The following PLCG2 variants were observed in gnomAD, a reference collection of about 807,000 sequenced individuals.
PLCG2 encodes the protein phospholipase C gamma 2, also known as 1-phosphatidylinositol 4,5-bisphosphate phosphodiesterase gamma-2.
In PLCG2, 69 loss-of-function variants were observed where a neutral mutation model predicts 175.6. That is an observed-to-expected ratio of 0.39 (90% CI 0.32 to 0.48). PLCG2 has a LOEUF of 0.48. Among genes scored for constraint, PLCG2 ranks in the 20% least tolerant of loss-of-function variants. The probability of loss-of-function intolerance (pLI) is 0.91; values close to 1 mark genes in which losing one functional copy is unlikely to be tolerated. For synonymous variants in PLCG2, 827 were observed against 624.0 expected (o/e 1.33, Z -4.85); for missense variants, 1,798 against 1,650.9 (o/e 1.09, Z -1.54).
intron 18 of PLCG2, among the ~76,000 whole-genome samples, chr16:81,912,056 C>G (rs934379260): frequency 3.3e-5 from 5 of 152,114 alleles, no homozygotes; most frequent in African/African-American, 4.8e-5. Context: ...CTCAACCTCC[C>G]AAAGTGCTGG....
In PLCG2 at chr16:81,928,623, C is replaced by T. The variant is rs776770937; in HGVS notation, c.2580C>T (p.Val860=). 40 of 1,592,548 alleles carry T rather than the reference C, an allele frequency of 2.5e-5. No individual in the cohort carries two copies. In the East Asian group the frequency reaches 5.4e-4, roughly 21 times the overall value. ...RGILDLNTYN[V]VKAPQGKNQK... is the part of the protein sequence containing the mutation. The stretch of plus-strand genomic sequence containing the variant: ...TATTGGACCTCAATACCTATAACGT[C>T]GGTACGTGCACACATCATCTTAGCC... The change falls in exon 24 of 33, where the codon GTC becomes GTT. Residue 860 remains valine, a splice_region_variant and synonymous_variant. Coordinates refer to ENST00000564138, the MANE Select transcript of PLCG2 (RefSeq NM_002661.5).
At chr16:81,806,692 C>T (rs1027363192) in intron 2 of PLCG2, among the ~76,000 whole-genome samples, 1 of 151,974 alleles carries the variant, frequency 6.6e-6, no homozygotes, top group African/African-American at 2.4e-5. Flanking sequence ...AAAGGGGGAT[C>T]ATGAGGGTCC....
At chr16:81,933,706 C>A (rs1019154494) in intron 25 of PLCG2, among the ~76,000 whole-genome samples, 1 of 152,048 alleles carries the variant, frequency 6.6e-6, no homozygotes, top group Non-Finnish European at 1.5e-5. Flanking sequence ...TAGCCTGTGA[C>A]GGCTAGAGCT....
chr16:81,777,463 G>A (rs1910444051), upstream of PLCG2, among the ~76,000 whole-genome samples: 1 of 149,908 alleles, frequency 6.7e-6, no homozygotes, highest in Non-Finnish European at 1.5e-5. Flanking sequence ...AAAAAAGTGA[G>A]GCAAAGGAAT....
chr16:81,928,526 A>T, intron 23 of PLCG2, 32 bp from the exon 24 acceptor site: 1 of 1,396,014 alleles, frequency 7.2e-7, no homozygotes, highest in Non-Finnish European at 1.0e-6. Context: ...TCCCGTTACA[A>T]CTAACGTGAG....
At position 81,799,679 on chromosome 16, in the gene PLCG2, G is replaced by A. The variant is rs546413408; in HGVS notation, c.193+13497G>A. 4.3e-4 allele frequency among the ~76,000 whole-genome samples: 63 copies of A among 147,724 alleles called. No individual in the cohort carries two copies. The East Asian group carries it at 0.01, about 24-fold the overall frequency. ...ACCATCTTGGCTCACTGCAAGCTCC[G>A]CCTCCCAGGTTCACACCATTCTCCT... On this transcript the variant is annotated intron_variant, in intron 2 of 32. Coordinates refer to ENST00000564138, the MANE Select transcript of PLCG2 (RefSeq NM_002661.5).
At chr16:81,744,445 G>C (rs149323171) in intron 1 of PLCG2, among the ~76,000 whole-genome samples, 139 of 152,250 alleles carry the variant, frequency 9.1e-4, no homozygotes, top group African/African-American at 3.2e-3. Flanking sequence ...TTACAGGCGT[G>C]AGCCACCGCA....
intron 2 of PLCG2, among the ~76,000 whole-genome samples, chr16:81,837,543 C>T (rs777610542): frequency 7.9e-5 from 12 of 152,320 alleles, no homozygotes; most frequent in Admixed American, 2.6e-4. Context: ...CAGGGACCCC[C>T]GTGTCGTGGG....
intron 19 of PLCG2, among the ~76,000 whole-genome samples, chr16:81,917,311 C>A (rs1324691563): frequency 1.3e-5 from 2 of 151,112 alleles, no homozygotes; most frequent in Non-Finnish European, 1.5e-5. Flanking sequence ...TGTTGATGGG[C>A]AGGCTGATTC....
intron 19 of PLCG2, among the ~76,000 whole-genome samples, chr16:81,916,230 T>C (rs1235430239): frequency 2.6e-5 from 4 of 152,016 alleles, no homozygotes; most frequent in African/African-American, 9.7e-5. Context: ...TACAGGACTT[T>C]TTGACGAAAT....
intron 1 of PLCG2, among the ~76,000 whole-genome samples, chr16:81,753,162 T>G (rs1419814995): frequency 6.6e-6 from 1 of 151,886 alleles, no homozygotes; most frequent in East Asian, 1.9e-4. Context: ...CCCTCGGCCC[T>G]GCCTCTCCCC....
chr16:81,810,052 C>T (rs1289258998), intron 2 of PLCG2, among the ~76,000 whole-genome samples: 5 of 151,672 alleles, frequency 3.3e-5, no homozygotes, highest in African/African-American at 9.7e-5. Context: ...AGTTCAGTGG[C>T]GTGATCTCAG....
At chr16:81,769,585 C>T (rs1910228539) in intron 2 of PLCG2, among the ~76,000 whole-genome samples, 1 of 151,814 alleles carries the variant, frequency 6.6e-6, no homozygotes, top group South Asian at 2.1e-4. Context: ...GAGGCCGAGG[C>T]GGGCGGATCA....
At chr16:81,802,719 G>C (rs906605452) in intron 2 of PLCG2, among the ~76,000 whole-genome samples, 5 of 151,892 alleles carry the variant, frequency 3.3e-5, no homozygotes, top group Admixed American at 3.3e-4. Flanking sequence ...TTACAGGCAT[G>C]CGCCACCACG....
chr16:81,829,238 A>G (rs1165108993), intron 2 of PLCG2, among the ~76,000 whole-genome samples: 1 of 152,106 alleles, frequency 6.6e-6, no homozygotes, highest in Non-Finnish European at 1.5e-5. Flanking sequence ...CCTCCTGAGT[A>G]GCTGGGATTA....
intron 5 of PLCG2, among the ~76,000 whole-genome samples, chr16:81,866,850 C>G (rs969095533): frequency 6.6e-6 from 1 of 152,260 alleles, no homozygotes; most frequent in African/African-American, 2.4e-5. Context: ...CACTGCTCCT[C>G]CACCTTCATC....
At chr16:81,955,166 G>A in intron 31 of PLCG2, among the ~76,000 whole-genome samples, 1 of 152,268 alleles carries the variant, frequency 6.6e-6, no homozygotes, top group East Asian at 1.9e-4. Context: ...CAAACAGCTG[G>A]AATAATCATC....
At chr16:81,820,226 T>C (rs183683443) in intron 2 of PLCG2, among the ~76,000 whole-genome samples, 4 of 152,332 alleles carry the variant, frequency 2.6e-5, no homozygotes, top group Non-Finnish European at 5.9e-5. Flanking sequence ...TGTGTAGACA[T>C]GTGTAACCAC....
chr16:81,943,580 A>AACCATAACATAGATTTCTTCACCAC (rs1567544267), intron 30 of PLCG2, among the ~76,000 whole-genome samples: 5 of 152,140 alleles, frequency 3.3e-5, no homozygotes, highest in Non-Finnish European at 7.3e-5. Context: ...TTCTTCACCA[A>AACCATAACATAGATTTCTTCACCAC]TGTCCACAGA....
Sources: gnomAD v4.1 joint callset for allele counts (sites outside exome capture counted in the v4.1 genomes callset) on GRCh38, gnomAD v4.1.1 for gene constraint, MANE v1.5 for transcripts, NCBI Gene and HGNC (gene_info 2026-07-23, HGNC 2026-07-21) for gene names.